ANXA4: variants seen among roughly 807,000 people sequenced by gnomAD.
ANXA4 encodes annexin A4.
In ANXA4, 39 loss-of-function variants were observed where a neutral mutation model predicts 49.8. The ratio of observed to expected loss-of-function variants is 0.78; its 90% CI spans 0.61 to 1.02. The LOEUF (loss-of-function observed/expected upper bound fraction) is 1.02. Among genes scored for constraint, ANXA4 ranks in the 50% least tolerant of loss-of-function variants. The probability of loss-of-function intolerance (pLI) is 0.00; values close to 1 mark genes in which losing one functional copy is unlikely to be tolerated. For missense variants in ANXA4, 360 were observed against 410.1 expected (o/e 0.88, Z 1.05); for synonymous variants, 134 against 152.5 (o/e 0.88, Z 0.89).
intron 2 of ANXA4, among the ~76,000 whole-genome samples, chr2:69,679,422 G>A (rs962583383): frequency 1.3e-5 from 2 of 152,206 alleles, no homozygotes; most frequent in African/African-American, 4.8e-5. Context: ...GGGATGAATA[G>A]TTTGCAAACA....
At chr2:69,685,673 T>A (rs188386752) in intron 2 of ANXA4, among the ~76,000 whole-genome samples, 84 of 152,284 alleles carry the variant, frequency 5.5e-4, no homozygotes, top group African/African-American at 1.9e-3. Flanking sequence ...TAATATGAGG[T>A]CTAAGGAATT....
chr2:69,761,026 A>ATT (rs1248050487), intron 1 of ANXA4, among the ~76,000 whole-genome samples: 2 of 151,640 alleles, frequency 1.3e-5, no homozygotes. Flanking sequence ...TAATTAATTA[A>ATT]AAAATAAATA....
At chr2:69,757,256 ATATATATATATT>A (rs1245888343) in intron 1 of ANXA4, among the ~76,000 whole-genome samples, 5,543 of 48,650 alleles carry the variant, frequency 0.11, 132 homozygotes, top group East Asian at 0.31. Flanking sequence ...ATATATATAT[ATATATATATATT>A]TTTTTTTTTT....
upstream of ANXA4, among the ~76,000 whole-genome samples, chr2:69,740,855 G>A (rs989840793): frequency 4.1e-5 from 4 of 98,370 alleles, no homozygotes; most frequent in African/African-American, 1.6e-4. Context: ...CTATATATAT[G>A]TTTTTTTTTT....
At chr2:69,716,378 A>G (rs1294483881) in intron 2 of ANXA4, among the ~76,000 whole-genome samples, 2 of 152,164 alleles carry the variant, frequency 1.3e-5, no homozygotes, top group East Asian at 3.9e-4. Context: ...ACCAGGAAAA[A>G]AGGGATTCAC....
intron 2 of ANXA4, among the ~76,000 whole-genome samples, chr2:69,690,964 T>C (rs891526052): frequency 3.9e-5 from 6 of 152,156 alleles, no homozygotes; most frequent in Non-Finnish European, 7.3e-5. Context: ...ATAACAATAA[T>C]GGTAAATCAT....
chr2:69,645,185 G>T (rs62133961), intron 1 of ANXA4, among the ~76,000 whole-genome samples: 109 of 152,126 alleles, frequency 7.2e-4, no homozygotes, highest in Non-Finnish European at 1.5e-3. Context: ...GCTGTGACTG[G>T]GTTAACAGTA....
At chr2:69,762,855 A>G (rs1042960403) in intron 1 of ANXA4, among the ~76,000 whole-genome samples, 1 of 97,398 alleles carries the variant, frequency 1.0e-5, no homozygotes, top group South Asian at 2.7e-4. Context: ...ATAAACACAC[A>G]CACTCACTCA....
intron 2 of ANXA4, among the ~76,000 whole-genome samples, chr2:69,782,951 CAACT>C (rs768125432): frequency 2.6e-5 from 4 of 152,034 alleles, no homozygotes; most frequent in East Asian, 1.9e-4. Flanking sequence ...TTGGAAACAC[CAACT>C]ATTTGCCATT....
At chr2:69,745,223 C>T (rs1670562643) in intron 1 of ANXA4, among the ~76,000 whole-genome samples, 1 of 152,160 alleles carries the variant, frequency 6.6e-6, no homozygotes, top group South Asian at 2.1e-4. Context: ...AGGTGTTTGG[C>T]AGAGCTGGGT....
At chr2:69,742,972 C>A (rs1338009241) in intron 1 of ANXA4, among the ~76,000 whole-genome samples, 1 of 152,152 alleles carries the variant, frequency 6.6e-6, no homozygotes, top group East Asian at 1.9e-4. Context: ...CCATGACACC[C>A]CACCACCCCC....
intron 3 of ANXA4, among the ~76,000 whole-genome samples, chr2:69,790,148 C>T (rs1672620763): frequency 6.6e-6 from 1 of 152,098 alleles, no homozygotes; most frequent in Non-Finnish European, 1.5e-5. Context: ...TTTTGAGCTG[C>T]TTTTTGTTAA....
chr2:69,779,522 GC>G (rs1672112217), intron 1 of ANXA4, among the ~76,000 whole-genome samples: 1 of 152,100 alleles, frequency 6.6e-6, no homozygotes, highest in Admixed American at 6.6e-5. Flanking sequence ...CCCTGCCCAA[GC>G]TTTTGCCTCT....
chr2:69,739,874 GAGTA>G (rs1670340632), upstream of ANXA4, among the ~76,000 whole-genome samples: 1 of 152,172 alleles, frequency 6.6e-6, no homozygotes, highest in African/African-American at 2.4e-5. Context: ...GGAAGCCTCC[GAGTA>G]AGTGAGGGAA....
At chr2:69,723,326 G>A (rs767497236) in intron 3 of ANXA4, among the ~76,000 whole-genome samples, 23 of 152,096 alleles carry the variant, frequency 1.5e-4, no homozygotes, top group Non-Finnish European at 2.8e-4. Context: ...ATAATAAGAT[G>A]TGCTAAAAGA....
chr2:69,702,626 A>T (rs1678368102), intron 2 of ANXA4, among the ~76,000 whole-genome samples: 1 of 152,116 alleles, frequency 6.6e-6, no homozygotes, highest in Admixed American at 6.6e-5. Context: ...AGGAGGGAGA[A>T]TCACTTGAGC....
intron 2 of ANXA4, among the ~76,000 whole-genome samples, chr2:69,664,037 A>T (rs945729472): frequency 8.5e-5 from 13 of 152,360 alleles, no homozygotes; most frequent in South Asian, 2.1e-4. Context: ...AGAAGATCTT[A>T]CAAGTGCCTA....
At position 69,825,517 on chromosome 2, in the gene ANXA4, A is replaced by G; in HGVS notation, c.*2A>G. ...GTTCTCTGTGGAGGAGATGATTAAA[A>G]TAAAAATCCCAGAAGGACAGGAGGA... On this transcript the variant is annotated 3_prime_UTR_variant, in exon 13 of 13. Coordinates refer to ENST00000394295, the MANE Select transcript of ANXA4 (RefSeq NM_001153.5). 2 of 1,606,422 alleles carry G rather than the reference A, an allele frequency of 1.2e-6. No homozygotes were observed. Among genetic ancestry groups the G allele is most frequent in the Non-Finnish European group, 1.7e-6 (2 of 1,177,224 alleles).
chr2:69,826,460 A>T lies in ANXA4; in HGVS notation c.*945A>T, dbSNP rs1674475186. ...GATTTAATTAAAAAGTTCACTTTGT[A>T]AGAACGTGGAAAAATAATTTTAATT... is the stretch of plus-strand genomic sequence containing the variant. On this transcript the variant is annotated 3_prime_UTR_variant, in exon 13 of 13. Coordinates refer to ENST00000394295, the MANE Select transcript of ANXA4 (RefSeq NM_001153.5). The T allele has an allele frequency of 6.6e-6, 1 of 152,538 alleles. No individual in the cohort carries two copies. The highest frequency in any genetic ancestry group is 1.5e-5 in the Non-Finnish European group (1 of 68,040). The allele number at this position is 152,538 out of a possible 1,614,324, so 9.4% of individuals were successfully genotyped here. A position where few individuals can be genotyped will look rare whatever the true frequency, so the allele number is the denominator to read the frequency against.
Sources: allele counts gnomAD v4.1 joint callset (sites outside exome capture counted in the v4.1 genomes callset), GRCh38; gene constraint gnomAD v4.1.1; transcripts MANE v1.5; gene names NCBI Gene and HGNC (gene_info 2026-07-23, HGNC 2026-07-21).